The following MTM1 variants were observed in gnomAD, a reference collection of about 807,000 sequenced individuals.
The protein encoded by MTM1 is myotubularin.
MTM1 carries 9 observed loss-of-function variants against 52.1 expected under a neutral mutation model. The observed-to-expected ratio is 0.17, with a 90% CI of 0.10 to 0.30. The LOEUF (loss-of-function observed/expected upper bound fraction) is 0.30. Ranked by LOEUF, MTM1 falls within the 10% of genes least tolerant of loss-of-function variation. The pLI is 1.00. For synonymous variants in MTM1, 136 were observed against 163.8 expected, an observed-to-expected ratio of 0.83 and a Z score of 1.29; for missense variants, 277 against 470.7, an observed-to-expected ratio of 0.59 and a Z score of 3.81.
At chrX:150,578,871 G>A (rs182138821) in intron 1 of MTM1, among the ~76,000 whole-genome samples, 4 of 106,403 alleles carry the variant, frequency 3.8e-5, no homozygotes, top group Admixed American at 1.0e-4. Context: ...ATTCTTGGTC[G>A]CTTGCCTTTC....
At chrX:150,640,934 G>T (rs2039837300) in intron 7 of MTM1, among the ~76,000 whole-genome samples, 1 of 111,361 alleles carries the variant, frequency 9.0e-6, no homozygotes. Flanking sequence ...TGGGAGGGGT[G>T]CATGGGCGGG....
intron 1 of MTM1, among the ~76,000 whole-genome samples, chrX:150,583,689 ATAT>A (rs1303148961): frequency 7.7e-5 from 3 of 39,109 alleles, no homozygotes; most frequent in East Asian, 8.1e-4. Context: ...TAATTTGTAT[ATAT>A]TATTTATAAA....
intron 4 of MTM1, among the ~76,000 whole-genome samples, chrX:150,610,192 C>T (rs1180347551): frequency 9.0e-6 from 1 of 111,392 alleles, no homozygotes; most frequent in Non-Finnish European, 1.9e-5. Context: ...TATGGTTTGC[C>T]CTCCTTTGAC....
chrX:150,640,181 T>C (rs1384237137), intron 7 of MTM1, among the ~76,000 whole-genome samples: 3 of 112,061 alleles, frequency 2.7e-5, no homozygotes, highest in Admixed American at 9.4e-5. Flanking sequence ...CTGTAAATGA[T>C]GTATTAAAAT....
intron 10 of MTM1, among the ~76,000 whole-genome samples, chrX:150,652,604 CAT>C (rs201667752): frequency 3.3e-5 from 3 of 92,112 alleles, no homozygotes; most frequent in South Asian, 5.4e-4. Context: ...TATATATATA[CAT>C]ATATATATAC....
At position 150,671,525 on chromosome X, in the gene MTM1, A is replaced by C; in HGVS notation, c.1742A>C (p.Lys581Thr). The change falls in exon 15 of 15, where the codon AAG becomes ACG. Residue 581 changes from lysine to threonine, a missense_variant. Physicochemically the swap from Lys to Thr is moderately conservative, Grantham distance 78. Coordinates refer to ENST00000370396, the MANE Select transcript of MTM1 (RefSeq NM_000252.3). ...GAACTGCAGCTCGCCAACTCTGCCA[A>C]GCTTTCTGATCCCCCAACTTCACCT... ...LEELQLANSA[K>T]LSDPPTSPSS... 8.3e-7 allele frequency: 1 copy of C among 1,211,541 alleles called. No homozygotes were observed. Among genetic ancestry groups the C allele is most frequent in the Non-Finnish European group, 1.1e-6 (1 of 895,544 alleles).
At position 150,649,835 on chromosome X, in the gene MTM1, T is replaced by C; in HGVS notation, c.987T>C (p.Tyr329=). Residue 329 remains tyrosine, a synonymous_variant, in exon 10 of 15, where the codon TAT becomes TAC. Transcript: ENST00000370396. ...TAAAAAAAGTGAAGGACATTGTTTA[T>C]CCTAATGTAGAAGAATCTCATTGGT... ...ESLKKVKDIV[Y]PNVEESHWLS... 2 of 1,209,751 alleles carry C rather than the reference T, an allele frequency of 1.7e-6. No homozygotes were observed. Among genetic ancestry groups the C allele is most frequent in the East Asian group, 3.0e-5 (1 of 33,819 alleles).
In MTM1 at chrX:150,668,576, A is replaced by G. The variant is rs2040341850; in HGVS notation, c.1645-2852A>G. ...TTTAAGTAGCCAGGCATGGCAGTGC[A>G]TGCTTGCAGTCCTAGCTACTTGGCC... On this transcript the variant is annotated intron_variant, in intron 14 of 14. Transcript: ENST00000370396. Among the ~76,000 whole-genome samples, 3 of 110,329 alleles carry G rather than the reference A, an allele frequency of 2.7e-5. No individual in the cohort carries two copies. The Admixed American group carries it at 2.9e-4, about 11-fold the overall frequency.
At chrX:150,607,123 G>C (rs190587934) in intron 4 of MTM1, among the ~76,000 whole-genome samples, 43 of 108,558 alleles carry the variant, frequency 4.0e-4, no homozygotes, top group African/African-American at 1.3e-3. Flanking sequence ...GAGTAGCTGG[G>C]ATTACAGACA....
intron 6 of MTM1, among the ~76,000 whole-genome samples, chrX:150,620,662 C>T (rs2039462959): frequency 8.9e-6 from 1 of 112,194 alleles, no homozygotes; most frequent in African/African-American, 3.2e-5. Flanking sequence ...TGTCTTCACT[C>T]TCATCCCTCT....
At chrX:150,582,123 G>C (rs1230628831) in intron 1 of MTM1, among the ~76,000 whole-genome samples, 2 of 110,800 alleles carry the variant, frequency 1.8e-5, no homozygotes, top group Non-Finnish European at 3.8e-5. Context: ...AAATTTTTTT[G>C]GTTGAGGGGA....
At chrX:150,626,898 A>G (rs1312449963) in intron 6 of MTM1, among the ~76,000 whole-genome samples, 1 of 111,162 alleles carries the variant, frequency 9.0e-6, no homozygotes, top group Non-Finnish European at 1.9e-5. Flanking sequence ...AAATTGACAC[A>G]CTAGTTATGC....
intron 4 of MTM1, among the ~76,000 whole-genome samples, chrX:150,600,511 C>T (rs782148250): frequency 8.9e-6 from 1 of 111,806 alleles, no homozygotes; most frequent in African/African-American, 3.2e-5. Context: ...TATTCCAAGC[C>T]AGATGCCAAG....
At chrX:150,594,085 G>A (rs1480089846) in intron 2 of MTM1, among the ~76,000 whole-genome samples, 4 of 109,344 alleles carry the variant, frequency 3.7e-5, no homozygotes, top group Non-Finnish European at 7.6e-5. Flanking sequence ...TATGTGTTCC[G>A]TGTGTGTGTG....
At chrX:150,653,998 A>AGC (rs1406818223) in intron 10 of MTM1, among the ~76,000 whole-genome samples, 8 of 111,643 alleles carry the variant, frequency 7.2e-5, no homozygotes, top group Admixed American at 3.8e-4. Flanking sequence ...ATTGGCCCAA[A>AGC]GCACGAGATA....
At chrX:150,593,381 G>A (rs1216788112) in intron 2 of MTM1, among the ~76,000 whole-genome samples, 9 of 112,114 alleles carry the variant, frequency 8.0e-5, no homozygotes, top group Non-Finnish European at 1.7e-4. Context: ...TTCTAATTAT[G>A]ATAAAATTGT....
At chrX:150,624,978 A>G (rs1271566672) in intron 6 of MTM1, among the ~76,000 whole-genome samples, 2 of 111,989 alleles carry the variant, frequency 1.8e-5, no homozygotes, top group African/African-American at 6.5e-5. Context: ...GACTCACACA[A>G]AGGAAGGCTA....
chrX:150,595,347 G>A (rs1226334116), intron 2 of MTM1, among the ~76,000 whole-genome samples: 1 of 111,383 alleles, frequency 9.0e-6, no homozygotes, highest in East Asian at 2.8e-4. Context: ...TGTAGTCCCA[G>A]CTACTCAGGA....
At chrX:150,569,263 C>G (rs2038320925) in intron 1 of MTM1, among the ~76,000 whole-genome samples, 1 of 113,563 alleles carries the variant, frequency 8.8e-6, no homozygotes, top group African/African-American at 3.2e-5. Context: ...TTCCCTGATA[C>G]GCAGTCGGAA....
Sources: allele counts gnomAD v4.1 joint callset (sites outside exome capture counted in the v4.1 genomes callset), GRCh38; gene constraint gnomAD v4.1.1; transcripts MANE v1.5; gene names NCBI Gene and HGNC (gene_info 2026-07-23, HGNC 2026-07-21).